The following THRB variants were observed in gnomAD, a reference collection of about 807,000 sequenced individuals.
THRB encodes nuclear receptor subfamily 1 group A member 2.
A neutral mutation model predicts 47.8 loss-of-function variants in THRB; 12 were observed. The ratio of observed to expected loss-of-function variants is 0.25; its 90% CI spans 0.16 to 0.41. The LOEUF is 0.41. Among genes scored for constraint, THRB ranks in the 10% least tolerant of loss-of-function variants. The probability of loss-of-function intolerance (pLI) is 1.00; values close to 1 mark genes in which losing one functional copy is unlikely to be tolerated. For missense variants in THRB, 348 were observed against 589.2 expected (o/e 0.59, Z 4.24); for synonymous variants, 218 against 212.2 (o/e 1.03, Z -0.24).
intron 1 of THRB, among the ~76,000 whole-genome samples, chr3:24,383,408 TG>T (rs1212502768): frequency 6.6e-6 from 1 of 152,000 alleles, no homozygotes; most frequent in African/African-American, 2.4e-5. Flanking sequence ...AGGGAAGAAA[TG>T]GGGGTGGGCA....
At chr3:24,425,711 T>C (rs2217884) in intron 1 of THRB, among the ~76,000 whole-genome samples, 74,388 of 151,620 alleles carry the variant, frequency 0.49, 18,579 homozygotes, top group Middle Eastern at 0.61. Context: ...GTGGTGCCTA[T>C]GGGGGATTAT....
intron 4 of THRB, among the ~76,000 whole-genome samples, chr3:24,223,960 AT>A (rs1352537638): frequency 6.6e-6 from 1 of 152,176 alleles, no homozygotes; most frequent in African/African-American, 2.4e-5. Flanking sequence ...GCTTGATACA[AT>A]TTTGCCTAAT....
intron 1 of THRB, among the ~76,000 whole-genome samples, chr3:24,444,707 C>A (rs2071892126): frequency 2.0e-5 from 3 of 152,026 alleles, no homozygotes; most frequent in South Asian, 2.1e-4. Flanking sequence ...CGGGTTCGAG[C>A]CTCTCAAGTA....
At chr3:24,238,713 C>T (rs73039624) in intron 3 of THRB, among the ~76,000 whole-genome samples, 1 of 151,950 alleles carries the variant, frequency 6.6e-6, no homozygotes, top group South Asian at 2.1e-4. Context: ...CAGTGAGCTC[C>T]TTCAGATTTT....
intron 3 of THRB, among the ~76,000 whole-genome samples, chr3:24,249,918 T>G (rs551764573): frequency 6.6e-6 from 1 of 152,350 alleles, no homozygotes; most frequent in Admixed American, 6.5e-5. Flanking sequence ...CATGGCACCA[T>G]GAAGAATTAA....
intron 5 of THRB, among the ~76,000 whole-genome samples, chr3:24,188,370 AAGT>A (rs2042871645): frequency 1.3e-5 from 2 of 152,236 alleles, no homozygotes; most frequent in South Asian, 4.1e-4. Context: ...CAAGGACAGA[AAGT>A]AGAAAGGCTA....
intron 10 of THRB, among the ~76,000 whole-genome samples, chr3:24,126,734 C>T (rs2032897876): frequency 6.6e-6 from 1 of 152,222 alleles, no homozygotes; most frequent in Non-Finnish European, 1.5e-5. Context: ...TGTGTAGTGG[C>T]TTACAGACGG....
intron 1 of THRB, among the ~76,000 whole-genome samples, chr3:24,415,867 C>T (rs942683011): frequency 2.0e-5 from 3 of 151,718 alleles, no homozygotes; most frequent in African/African-American, 7.3e-5. Context: ...CAGACAGACT[C>T]AGTTGATACT....
At chr3:24,294,898 A>G (rs139256935) in intron 3 of THRB, among the ~76,000 whole-genome samples, 24 of 152,340 alleles carry the variant, frequency 1.6e-4, no homozygotes, top group African/African-American at 5.8e-4. Flanking sequence ...CTAATAATAC[A>G]CTGGCTCTCA....
rs1269197454 is a variant in THRB, at chr3:24,117,434, C to T, written c.*5450G>A. 6.6e-6 allele frequency: 1 copy of T among 152,216 alleles called. No homozygotes were observed. The highest frequency in any genetic ancestry group is 2.4e-5 in the African/African-American group (1 of 41,444). 9.4% of individuals were successfully genotyped at this position (152,216 alleles called of 1,614,324 possible). The stretch of plus-strand genomic sequence containing the variant: ...TTTCCCCTCACCCAGTTCCAGGATT[C>T]CTGAGGATAAGGTTGGTTATGCATC... On this transcript the variant is annotated 3_prime_UTR_variant, in exon 11 of 11. Coordinates refer to ENST00000646209, the MANE Select transcript of THRB (RefSeq NM_001354712.2).
intron 4 of THRB, among the ~76,000 whole-genome samples, chr3:24,211,157 G>A (rs1206866532): frequency 2.6e-4 from 37 of 144,148 alleles, no homozygotes; most frequent in Admixed American, 1.9e-3. Context: ...CTAAGATCGC[G>A]CCACTGCACT....
chr3:24,121,976 T>TA lies in THRB; in HGVS notation c.*907dup, dbSNP rs1339447563. Reference sequence around the variant, plus strand: ...AAATCTGTTGTCAGCTCAGCAAAGATACAACCTGGATAAAGAACTTCAGGA... The same window carrying TA: ...AAATCTGTTGTCAGCTCAGCAAAGATAACAACCTGGATAAAGAACTTCAGGA... On this transcript the variant is annotated 3_prime_UTR_variant, in exon 11 of 11. Coordinates refer to ENST00000646209, the MANE Select transcript of THRB (RefSeq NM_001354712.2). 1 of 152,612 alleles carries TA rather than the reference T, an allele frequency of 6.6e-6. No individual in the cohort carries two copies. Among genetic ancestry groups the TA allele is most frequent in the Non-Finnish European group, 1.5e-5 (1 of 68,028 alleles). The allele number at this position is 152,612 out of a possible 1,614,324, so 9.5% of individuals were successfully genotyped here.
intron 1 of THRB, among the ~76,000 whole-genome samples, chr3:24,453,273 C>T (rs1212840726): frequency 2.6e-5 from 4 of 152,136 alleles, no homozygotes; most frequent in Admixed American, 6.5e-5. Flanking sequence ...TTAACTCATT[C>T]GATTTTCATA....
rs1225005967 is a variant in THRB, at chr3:24,118,136, A to G, written c.*4748T>C. 6.5e-6 allele frequency: 1 copy of G among 152,688 alleles called. No homozygotes were observed. The highest frequency in any genetic ancestry group is 1.5e-5 in the Non-Finnish European group (1 of 68,052). The allele number at this position is 152,688 out of a possible 1,614,324, so 9.5% of individuals were successfully genotyped here. The stretch of plus-strand genomic sequence containing the variant: ...ATCCGTGGTTCCGTCTTTTGGCAGC[A>G]GCTGAAGTGAGAAGAGCAGGCAACT... On this transcript the variant is annotated 3_prime_UTR_variant, in exon 11 of 11. Coordinates refer to ENST00000646209, the MANE Select transcript of THRB (RefSeq NM_001354712.2).
At chr3:24,299,772 T>G (rs1336634168) in intron 2 of THRB, among the ~76,000 whole-genome samples, 1 of 118,608 alleles carries the variant, frequency 8.4e-6, no homozygotes, top group Non-Finnish European at 1.7e-5. Context: ...TATGCTTTTT[T>G]ATTTATTTAT....
intron 4 of THRB, among the ~76,000 whole-genome samples, chr3:24,204,232 G>A (rs2044991391): frequency 6.6e-6 from 1 of 152,238 alleles, no homozygotes; most frequent in Non-Finnish European, 1.5e-5. Flanking sequence ...CCCCTGAGTA[G>A]CCTTACTGCG....
intron 4 of THRB, among the ~76,000 whole-genome samples, chr3:24,206,815 T>A (rs1489205236): frequency 6.6e-6 from 1 of 152,058 alleles, no homozygotes; most frequent in Non-Finnish European, 1.5e-5. Context: ...ATAAAGGGGA[T>A]ATCACCACCC....
In THRB at chr3:24,125,749, C is replaced by T. The variant is rs542967075; in HGVS notation, c.1144+1750G>A. On this transcript the variant is annotated intron_variant, in intron 10 of 10. Coordinates refer to ENST00000646209, the MANE Select transcript of THRB (RefSeq NM_001354712.2). ...GGCGGTTTACTTCATGAAGCTGGCA[C>T]GGAGAGTCCCTAGAGCAAGTCTGCC... Among the ~76,000 whole-genome samples the T allele has an allele frequency of 1.1e-4, 17 of 152,224 alleles. No homozygotes were observed. In the South Asian group the frequency reaches 2.5e-3, roughly 22 times the overall value.
chr3:24,401,076 A>C (rs532114643), intron 1 of THRB, among the ~76,000 whole-genome samples: 1 of 152,174 alleles, frequency 6.6e-6, no homozygotes, highest in South Asian at 2.1e-4. Context: ...CACATTCATA[A>C]TTTAACACAA....
Sources: allele counts gnomAD v4.1 joint callset (sites outside exome capture counted in the v4.1 genomes callset), GRCh38; gene constraint gnomAD v4.1.1; transcripts MANE v1.5; gene names NCBI Gene and HGNC (gene_info 2026-07-23, HGNC 2026-07-21).